UBR3: variants seen among roughly 807,000 people sequenced by gnomAD.
UBR3 encodes E3 ubiquitin-protein ligase UBR3.
UBR3 carries 85 observed loss-of-function variants against 243.2 expected under a neutral mutation model. That is an observed-to-expected ratio of 0.35 (90% CI 0.29 to 0.42). UBR3 has a LOEUF of 0.42. Ranked by LOEUF, UBR3 falls within the 10% of genes least tolerant of loss-of-function variation. The pLI, the probability that UBR3 is intolerant of heterozygous loss-of-function variation, is 1.00. For missense variants in UBR3, 1,686 were observed against 2,300.8 expected, an observed-to-expected ratio of 0.73 and a Z score of 5.47; for synonymous variants, 748 against 799.8, an observed-to-expected ratio of 0.94 and a Z score of 1.09.
rs747834287 is a variant in UBR3, at chr2:169,906,210, CTT to C, written c.1779+47_1779+48del. ...TTAATTTCTGTGTTTAAGAAAAAGA[CTT>C]GTGAAAATATTGGTTTGTTCATTTG... On this transcript the variant is annotated intron_variant, in intron 10 of 38. Transcript: ENST00000272793. 186 of 1,506,534 alleles carry C rather than the reference CTT, an allele frequency of 1.2e-4. No homozygotes were observed. In the African/African-American group the frequency reaches 2.2e-3, roughly 18 times the overall value. The allele number at this position is 1,506,534 out of a possible 1,614,324, so 93.3% of individuals were successfully genotyped here.
At chr2:169,989,751 A>G (rs993153138) in intron 25 of UBR3, among the ~76,000 whole-genome samples, 2 of 152,188 alleles carry the variant, frequency 1.3e-5, no homozygotes, top group African/African-American at 4.8e-5. Flanking sequence ...TTTTCTAAAG[A>G]TAATTAGTAC....
At chr2:169,899,139 C>T (rs934791948) in intron 8 of UBR3, among the ~76,000 whole-genome samples, 26 of 151,856 alleles carry the variant, frequency 1.7e-4, no homozygotes, top group African/African-American at 4.1e-4. Context: ...CCACCATGCC[C>T]GGCTAATTTT....
chr2:169,841,206 T>A (rs2082276380), intron 1 of UBR3, among the ~76,000 whole-genome samples: 1 of 152,224 alleles, frequency 6.6e-6, no homozygotes, highest in Non-Finnish European at 1.5e-5. Flanking sequence ...ATAAATTTCA[T>A]CTTCACCTCA....
intron 19 of UBR3, 61 bp downstream of exon 19, chr2:169,933,069 A>C: frequency 1.4e-5 from 17 of 1,196,686 alleles, no homozygotes; most frequent in Non-Finnish European, 2.0e-5. Context: ...GAAAAATTTC[A>C]GTGATAACAC....
At chr2:169,945,076 G>A (rs1057241026) in intron 20 of UBR3, among the ~76,000 whole-genome samples, 1 of 151,876 alleles carries the variant, frequency 6.6e-6, no homozygotes, top group Non-Finnish European at 1.5e-5. Context: ...GCAAATGACA[G>A]ATATTAACTC....
Position 169,868,959 on chromosome 2 carries a change from C to T in UBR3, c.546-3277C>T, listed in dbSNP as rs143264707. ...ATTCCCCTCTGTCACTGACAGGTTACAGAAACTGGGTCAGTTGTCCTGTAT... is the reference window on the plus strand; with the variant it reads ...ATTCCCCTCTGTCACTGACAGGTTATAGAAACTGGGTCAGTTGTCCTGTAT... On this transcript the variant is annotated intron_variant, in intron 1 of 38. Coordinates refer to ENST00000272793, the MANE Select transcript of UBR3 (RefSeq NM_172070.4). Among the ~76,000 whole-genome samples the T allele has an allele frequency of 7.6e-3, 1,162 of 152,258 alleles. 11 individuals are homozygous for T. The highest frequency in any genetic ancestry group is 0.061 in the Middle Eastern group (18 of 294).
intron 32 of UBR3, among the ~76,000 whole-genome samples, chr2:170,042,802 TTA>T (rs1054417262): frequency 1.3e-5 from 2 of 151,546 alleles, no homozygotes; most frequent in African/African-American, 4.8e-5. Flanking sequence ...CTTCAGGTAA[TTA>T]TATATTTAAC....
intron 2 of UBR3, among the ~76,000 whole-genome samples, chr2:169,872,663 C>T (rs144521542): frequency 5.1e-4 from 77 of 152,072 alleles, no homozygotes; most frequent in South Asian, 1.7e-3. Flanking sequence ...GTGGGGTTAA[C>T]GTGACTTTAT....
chr2:169,954,700 G>C (rs547959523), intron 23 of UBR3, among the ~76,000 whole-genome samples: 2 of 151,146 alleles, frequency 1.3e-5, no homozygotes, highest in African/African-American at 4.9e-5. Context: ...TCAGCCTCCC[G>C]AGTAGCTGGG....
intron 8 of UBR3, 127 bp downstream of exon 8, chr2:169,896,862 A>G: frequency 1.6e-6 from 1 of 629,854 alleles, no homozygotes; most frequent in Middle Eastern, 5.0e-4. Context: ...ATATTCTAGT[A>G]TTAGTGAACT....
chr2:169,904,804 A>G (rs1354429285), intron 8 of UBR3, among the ~76,000 whole-genome samples: 1 of 152,182 alleles, frequency 6.6e-6, no homozygotes, highest in Non-Finnish European at 1.5e-5. Context: ...GGTTTTATAA[A>G]CATACAGCTA....
At chr2:170,034,108 A>G (rs1036638944) in intron 31 of UBR3, among the ~76,000 whole-genome samples, 2 of 151,812 alleles carry the variant, frequency 1.3e-5, no homozygotes, top group African/African-American at 2.4e-5. Context: ...ACAGATACAT[A>G]GCCTTTCCCA....
At chr2:169,983,217 G>A (rs75729747) in intron 24 of UBR3, among the ~76,000 whole-genome samples, 1,501 of 141,526 alleles carry the variant, frequency 0.011, 15 homozygotes, top group Middle Eastern at 0.022. Flanking sequence ...CCTAGTTTTG[G>A]AAGGCATATT....
intron 1 of UBR3, among the ~76,000 whole-genome samples, chr2:169,859,807 C>T (rs1218780580): frequency 6.6e-6 from 1 of 152,092 alleles, no homozygotes; most frequent in Non-Finnish European, 1.5e-5. Flanking sequence ...ACCTCCGCCT[C>T]CTGGGTTCAA....
chr2:169,931,864 T>C (rs1012780746), intron 18 of UBR3, among the ~76,000 whole-genome samples: 1 of 152,122 alleles, frequency 6.6e-6, no homozygotes, highest in Non-Finnish European at 1.5e-5. Context: ...TTAAAAATAA[T>C]TACATAATTA....
chr2:169,857,062 A>ATGTTT (rs763084524), intron 1 of UBR3, among the ~76,000 whole-genome samples: 6,105 of 28,278 alleles, frequency 0.22, 1,062 homozygotes, highest in East Asian at 0.46. Flanking sequence ...TAATTTTATT[A>ATGTTT]TGTTTTTTTT....
At chr2:169,976,651 A>G (rs1483538936) in intron 24 of UBR3, among the ~76,000 whole-genome samples, 1 of 152,136 alleles carries the variant, frequency 6.6e-6, no homozygotes, top group Non-Finnish European at 1.5e-5. Flanking sequence ...ATTCCCTTAT[A>G]TGTAACTTGA....
intron 26 of UBR3, among the ~76,000 whole-genome samples, 158 bp from the exon 27 acceptor site, chr2:170,001,146 G>A (rs534128080): frequency 6.6e-6 from 1 of 152,308 alleles, no homozygotes; most frequent in Non-Finnish European, 1.5e-5. Flanking sequence ...AGTGCCTGAA[G>A]ACTATCTAGT....
chr2:169,903,769 C>T (rs928474966), intron 8 of UBR3, among the ~76,000 whole-genome samples: 1 of 152,040 alleles, frequency 6.6e-6, no homozygotes, highest in South Asian at 2.1e-4. Context: ...ACTTGTAATC[C>T]CAGCTACTGA....
Sources: allele counts gnomAD v4.1 joint callset (sites outside exome capture counted in the v4.1 genomes callset), GRCh38; gene constraint gnomAD v4.1.1; transcripts MANE v1.5; gene names NCBI Gene and HGNC (gene_info 2026-07-23, HGNC 2026-07-21).